The following SUPT3H variants were observed in gnomAD, a reference collection of about 807,000 sequenced individuals.
The protein encoded by SUPT3H is transcription initiation protein SPT3 homolog.
A neutral mutation model predicts 44.3 loss-of-function variants in SUPT3H; 44 were observed. That is an observed-to-expected ratio of 0.99 (90% CI 0.78 to 1.28). SUPT3H has a LOEUF of 1.28. Among genes scored for constraint, SUPT3H ranks in the 50% most tolerant of loss-of-function variants. The pLI, the probability that SUPT3H is intolerant of heterozygous loss-of-function variation, is 0.00. For synonymous variants in SUPT3H, 124 were observed against 125.6 expected, an observed-to-expected ratio of 0.99 and a Z score of 0.09; for missense variants, 380 against 387.1, an observed-to-expected ratio of 0.98 and a Z score of 0.15.
intron 3 of SUPT3H, among the ~76,000 whole-genome samples, chr6:45,059,791 TACA>T (rs982205440): frequency 6.6e-6 from 1 of 152,156 alleles, no homozygotes; most frequent in African/African-American, 2.4e-5. Flanking sequence ...AGTATTCCTA[TACA>T]ACAACAACAG....
intron 2 of SUPT3H, among the ~76,000 whole-genome samples, chr6:45,321,018 C>T (rs1785412018): frequency 6.6e-6 from 1 of 152,056 alleles, no homozygotes; most frequent in African/African-American, 2.4e-5. Context: ...ATACCAATAA[C>T]AGATGCTTGT....
chr6:45,351,889 T>C (rs1023414639), intron 2 of SUPT3H, among the ~76,000 whole-genome samples: 6 of 152,192 alleles, frequency 3.9e-5, no homozygotes, highest in Non-Finnish European at 5.9e-5. Context: ...AGAGGCCTTA[T>C]AAATGCTGAC....
chr6:45,080,223 C>A (rs1183184862), intron 3 of SUPT3H, among the ~76,000 whole-genome samples: 1 of 151,960 alleles, frequency 6.6e-6, no homozygotes, highest in Admixed American at 6.5e-5. Context: ...CAGAGAAATG[C>A]AAATCAAAAC....
At chr6:45,141,930 A>G (rs532555884) in intron 2 of SUPT3H, among the ~76,000 whole-genome samples, 1 of 152,306 alleles carries the variant, frequency 6.6e-6, no homozygotes, top group Non-Finnish European at 1.5e-5. Flanking sequence ...TCATTGCCTA[A>G]GCACATAGTC....
chr6:44,870,997 A>G (rs1231426056), intron 10 of SUPT3H, among the ~76,000 whole-genome samples: 3 of 151,024 alleles, frequency 2.0e-5, no homozygotes, highest in East Asian at 2.0e-4. Flanking sequence ...AGAGGGTCCT[A>G]TGCCCACGGA....
intron 2 of SUPT3H, among the ~76,000 whole-genome samples, chr6:45,178,105 A>G (rs1812346378): frequency 6.6e-6 from 1 of 152,132 alleles, no homozygotes; most frequent in Non-Finnish European, 1.5e-5. Flanking sequence ...AAATGCTCCA[A>G]TTAGAAGACA....
In SUPT3H at chr6:44,893,381, C is replaced by A. The variant is rs957030993; in HGVS notation, c.912+39272G>T. ...TCCCAATGCTATCCCTCCCCCCTGC[C>A]CCCACCCCACAACAGTCCCCAGAGT... On this transcript the variant is annotated intron_variant, in intron 10 of 10. Coordinates refer to ENST00000371459, the MANE Select transcript of SUPT3H (RefSeq NM_003599.4). Among the ~76,000 whole-genome samples the A allele has an allele frequency of 2.6e-5, 4 of 152,104 alleles. No homozygotes were observed. In the South Asian group the frequency reaches 8.3e-4, roughly 32 times the overall value.
chr6:45,160,886 A>G (rs1434353313), intron 2 of SUPT3H, among the ~76,000 whole-genome samples: 1 of 152,136 alleles, frequency 6.6e-6, no homozygotes, highest in Non-Finnish European at 1.5e-5. Flanking sequence ...ATAAGTTTGA[A>G]TGTTCCCTCC....
At chr6:45,193,120 C>T (rs568681799) in intron 2 of SUPT3H, among the ~76,000 whole-genome samples, 86 of 152,132 alleles carry the variant, frequency 5.7e-4, no homozygotes, top group African/African-American at 1.8e-3. Flanking sequence ...ATGACCACCA[C>T]GCTTTAAGAA....
At chr6:45,086,847 T>A (rs888621139) in intron 3 of SUPT3H, among the ~76,000 whole-genome samples, 34 of 151,888 alleles carry the variant, frequency 2.2e-4, no homozygotes, top group Non-Finnish European at 4.7e-4. Context: ...TAAAATTTAA[T>A]ATTTAAGATA....
Position 45,262,963 on chromosome 6 carries a change from G to A in SUPT3H, c.101+102238C>T, listed in dbSNP as rs552407558. Among the ~76,000 whole-genome samples the A allele has an allele frequency of 6.9e-4, 105 of 152,186 alleles. 1 individual carries two copies. The highest frequency in any genetic ancestry group is 2.5e-3 in the African/African-American group (103 of 41,522). On this transcript the variant is annotated intron_variant, in intron 2 of 10. Coordinates refer to ENST00000371459, the MANE Select transcript of SUPT3H (RefSeq NM_003599.4). Reference sequence around the variant, plus strand: ...ATACCATCTCACAACAGTCAGAATCGTTGTTATTAAAAAGTCAAAAAATAA... The same window carrying A: ...ATACCATCTCACAACAGTCAGAATCATTGTTATTAAAAAGTCAAAAAATAA...
intron 2 of SUPT3H, among the ~76,000 whole-genome samples, chr6:45,193,504 C>G (rs762264823): frequency 1.4e-4 from 22 of 152,214 alleles, no homozygotes; most frequent in Non-Finnish European, 3.1e-4. Flanking sequence ...CAAGCAGAGT[C>G]AGTGTTCAAT....
At chr6:45,106,797 A>G (rs1235308483) in intron 2 of SUPT3H, among the ~76,000 whole-genome samples, 1 of 152,154 alleles carries the variant, frequency 6.6e-6, no homozygotes. Context: ...TGGCCTCCCA[A>G]AGTCCTGGGA....
At position 44,958,883 on chromosome 6, in the gene SUPT3H, T is replaced by TG. The variant is rs1304847639; in HGVS notation, c.580+2869_580+2870insC. Among the ~76,000 whole-genome samples, 7 of 146,682 alleles carry TG rather than the reference T, an allele frequency of 4.8e-5. No individual in the cohort carries two copies. In the East Asian group the frequency reaches 1.4e-3, roughly 29 times the overall value. ...AGTACTTATCAATGGTTTTTTTTTTTTTTTTTTTTTGAGACGAGTCTCACC... is the reference window on the plus strand; with the variant it reads ...AGTACTTATCAATGGTTTTTTTTTTTGTTTTTTTTTTGAGACGAGTCTCACC... On this transcript the variant is annotated intron_variant, in intron 7 of 10. Coordinates refer to ENST00000371459, the MANE Select transcript of SUPT3H (RefSeq NM_003599.4).
chr6:45,324,406 A>C (rs1019924653), intron 2 of SUPT3H, among the ~76,000 whole-genome samples: 1 of 152,074 alleles, frequency 6.6e-6, no homozygotes, highest in Non-Finnish European at 1.5e-5. Flanking sequence ...ATATTAGAAT[A>C]TAACAATTTC....
intron 2 of SUPT3H, chr6:45,197,707 T>C (rs1033715939): frequency 6.9e-6 from 2 of 290,692 alleles, no homozygotes; most frequent in Non-Finnish European, 1.4e-5. Flanking sequence ...CCATTATGCA[T>C]TGTATTTTTA....
At chr6:45,348,422 T>C (rs1427981606) in intron 2 of SUPT3H, among the ~76,000 whole-genome samples, 1 of 150,462 alleles carries the variant, frequency 6.6e-6, no homozygotes, top group Non-Finnish European at 1.5e-5. Flanking sequence ...ATCCCAGCAC[T>C]TTGGGAGGCC....
intron 10 of SUPT3H, among the ~76,000 whole-genome samples, chr6:44,920,135 C>T (rs1275644379): frequency 6.6e-6 from 1 of 152,106 alleles, no homozygotes; most frequent in Admixed American, 6.5e-5. Context: ...ACCTCGGCCT[C>T]CCAAAGTGCT....
chr6:44,859,794 C>T (rs1007909933), intron 10 of SUPT3H, among the ~76,000 whole-genome samples: 5 of 152,150 alleles, frequency 3.3e-5, no homozygotes, highest in South Asian at 2.1e-4. Flanking sequence ...TAAAACACTG[C>T]TGTGTAAATA....
Sources: gnomAD v4.1 joint callset for allele counts (sites outside exome capture counted in the v4.1 genomes callset) on GRCh38, gnomAD v4.1.1 for gene constraint, MANE v1.5 for transcripts, NCBI Gene and HGNC (gene_info 2026-07-23, HGNC 2026-07-21) for gene names.